The following HMGCLL1 variants were observed in gnomAD, a reference collection of about 807,000 sequenced individuals.
HMGCLL1 encodes the protein 3-hydroxy-3-methylglutaryl-CoA lyase like 1.
HMGCLL1 carries 36 observed loss-of-function variants against 39.1 expected under a neutral mutation model. The ratio of observed to expected loss-of-function variants is 0.92; its 90% CI spans 0.71 to 1.22. The LOEUF (loss-of-function observed/expected upper bound fraction) is 1.22, where lower values mean the gene tolerates loss of function less well. Among genes scored for constraint, HMGCLL1 ranks in the 50% most tolerant of loss-of-function variants. The probability of loss-of-function intolerance (pLI) is 0.00; values close to 1 mark genes in which losing one functional copy is unlikely to be tolerated. For missense variants in HMGCLL1, 451 were observed against 416.5 expected, an observed-to-expected ratio of 1.08 and a Z score of -0.72; for synonymous variants, 149 against 144.0, an observed-to-expected ratio of 1.03 and a Z score of -0.25.
At chr6:55,652,753 T>C in the HMGCLL1 span, among the ~76,000 whole-genome samples, 2 of 152,182 alleles carry the variant, frequency 1.3e-5, no homozygotes, top group East Asian at 3.9e-4. Context: ...GTAAATCTTG[T>C]CTACTTGGGA....
At chr6:55,476,462 A>G (rs1440683885) in intron 7 of HMGCLL1, among the ~76,000 whole-genome samples, 2 of 151,648 alleles carry the variant, frequency 1.3e-5, no homozygotes, top group Non-Finnish European at 3.0e-5. Flanking sequence ...TAGTATACCT[A>G]TAACTTATGT....
intron 3 of HMGCLL1, among the ~76,000 whole-genome samples, chr6:55,527,933 G>A (rs965986351): frequency 5.3e-5 from 8 of 151,934 alleles, no homozygotes; most frequent in Admixed American, 2.0e-4. Flanking sequence ...TAAGATTTCC[G>A]AGTACATCTC....
chr6:55,472,775 A>T lies in HMGCLL1; in HGVS notation c.795+22644T>A, dbSNP rs148466615. Among the ~76,000 whole-genome samples, 479 of 151,566 alleles carry T rather than the reference A, an allele frequency of 3.2e-3. 2 individuals carry two copies. The highest frequency in any genetic ancestry group is 0.011 in the African/African-American group (437 of 41,472). On this transcript the variant is annotated intron_variant, in intron 7 of 8. Transcript: ENST00000274901. ...AATGTCAATTAAAACAAACTGCTTG[A>T]TAGTGCTGTTCAAATAAACTATATT...
At chr6:55,619,005 GA>G in the HMGCLL1 span, among the ~76,000 whole-genome samples, 1 of 151,946 alleles carries the variant, frequency 6.6e-6, no homozygotes, top group Admixed American at 6.6e-5. Flanking sequence ...CCAAACACAA[GA>G]AAAAACAAAA....
At chr6:55,537,968 G>A (rs1769126544) in intron 3 of HMGCLL1, among the ~76,000 whole-genome samples, 2 of 152,016 alleles carry the variant, frequency 1.3e-5, no homozygotes, top group Admixed American at 1.3e-4. Flanking sequence ...AGGTCAGGAG[G>A]CATTTTCCAA....
At chr6:55,522,015 G>A (rs750622744) in intron 3 of HMGCLL1, among the ~76,000 whole-genome samples, 26 of 151,970 alleles carry the variant, frequency 1.7e-4, no homozygotes, top group Non-Finnish European at 3.4e-4. Context: ...CCTTATTGCT[G>A]AAACGGAGAA....
intron 7 of HMGCLL1, among the ~76,000 whole-genome samples, chr6:55,490,928 A>T (rs534559096): frequency 2.0e-5 from 3 of 152,240 alleles, no homozygotes; most frequent in African/African-American, 7.2e-5. Context: ...CAATCCAACC[A>T]CTTGTAAAAA....
intron 1 of HMGCLL1, among the ~76,000 whole-genome samples, chr6:55,575,723 A>G (rs772305058): frequency 2.6e-5 from 4 of 152,082 alleles, no homozygotes; most frequent in Non-Finnish European, 5.9e-5. Context: ...TTTTTACCTC[A>G]TCTCTCCATT....
chr6:55,614,303 C>T, the HMGCLL1 span, among the ~76,000 whole-genome samples: 9 of 151,962 alleles, frequency 5.9e-5, no homozygotes, highest in Admixed American at 3.9e-4. Context: ...GTATTAGTGA[C>T]CTAATAAGAA....
chr6:55,553,710 T>C (rs968609989), intron 1 of HMGCLL1, among the ~76,000 whole-genome samples: 3 of 152,200 alleles, frequency 2.0e-5, no homozygotes, highest in Non-Finnish European at 4.4e-5. Flanking sequence ...TAAGGCTAAC[T>C]TGAAGACATG....
the HMGCLL1 span, among the ~76,000 whole-genome samples, chr6:55,671,710 G>A: frequency 6.6e-6 from 1 of 151,818 alleles, no homozygotes; most frequent in African/African-American, 2.4e-5. Context: ...TGGACATGCA[G>A]CATGGATGAA....
intron 1 of HMGCLL1, among the ~76,000 whole-genome samples, chr6:55,570,549 A>G (rs933853969): frequency 6.6e-6 from 1 of 152,086 alleles, no homozygotes; most frequent in African/African-American, 2.4e-5. Flanking sequence ...GATGATTGGT[A>G]TCCTTCATAT....
At chr6:55,541,867 A>G (rs1340988709) in intron 2 of HMGCLL1, 31 bp from the exon 3 acceptor site, 1 of 1,254,892 alleles carries the variant, frequency 8.0e-7, no homozygotes, top group East Asian at 2.3e-5. Context: ...TTATAAGTAA[A>G]TTGTATAGGT....
chr6:55,580,338 A>G (rs534445012), upstream of HMGCLL1, among the ~76,000 whole-genome samples: 576 of 151,878 alleles, frequency 3.8e-3, 3 homozygotes, highest in Non-Finnish European at 6.1e-3. Flanking sequence ...TAGAAAGGGC[A>G]AAGAGGATGA....
chr6:55,591,874 C>G, the HMGCLL1 span, among the ~76,000 whole-genome samples: 2 of 151,858 alleles, frequency 1.3e-5, no homozygotes, highest in East Asian at 3.9e-4. Context: ...TATAGGAGTG[C>G]TTTATTAACT....
chr6:55,662,048 A>T, the HMGCLL1 span, among the ~76,000 whole-genome samples: 1 of 151,802 alleles, frequency 6.6e-6, no homozygotes, highest in East Asian at 1.9e-4. Flanking sequence ...CTATCCTGAA[A>T]CTTTGCTGAA....
At chr6:55,632,105 GAC>G in the HMGCLL1 span, among the ~76,000 whole-genome samples, 1 of 152,074 alleles carries the variant, frequency 6.6e-6, no homozygotes, top group African/African-American at 2.4e-5. Context: ...ACTTTAAGGA[GAC>G]ACCTAGATGA....
chr6:55,638,558 A>G, the HMGCLL1 span, among the ~76,000 whole-genome samples: 1 of 152,044 alleles, frequency 6.6e-6, no homozygotes, highest in Non-Finnish European at 1.5e-5. Flanking sequence ...AAAAACAAAA[A>G]CAAAACAAAA....
intron 3 of HMGCLL1, among the ~76,000 whole-genome samples, chr6:55,523,897 T>C (rs1010646592): frequency 6.6e-6 from 1 of 151,962 alleles, no homozygotes; most frequent in African/African-American, 2.4e-5. Context: ...TGAAATCAAA[T>C]GGAAATTTTC....
Sources: allele counts gnomAD v4.1 joint callset (sites outside exome capture counted in the v4.1 genomes callset), GRCh38; gene constraint gnomAD v4.1.1; transcripts MANE v1.5; gene names NCBI Gene and HGNC (gene_info 2026-07-23, HGNC 2026-07-21).